The following SEC23IP variants were observed in gnomAD, a reference collection of about 807,000 sequenced individuals.
The protein encoded by SEC23IP is SEC23-interacting protein.
SEC23IP carries 70 observed loss-of-function variants against 113.4 expected under a neutral mutation model. That is an observed-to-expected ratio of 0.62 (90% CI 0.51 to 0.75). The LOEUF (loss-of-function observed/expected upper bound fraction) is 0.75. Ranked by LOEUF, SEC23IP falls within the 30% of genes least tolerant of loss-of-function variation. The probability of loss-of-function intolerance (pLI) is 0.00; values close to 1 mark genes in which losing one functional copy is unlikely to be tolerated. For synonymous variants in SEC23IP, 398 were observed against 421.0 expected (o/e 0.95, Z 0.67); for missense variants, 1,160 against 1,204.9 (o/e 0.96, Z 0.55).
At position 119,922,513 on chromosome 10, in the gene SEC23IP, A is replaced by G. The variant is rs186344466; in HGVS notation, c.2121+1529A>G. On this transcript the variant is annotated intron_variant, in intron 12 of 18. Coordinates refer to ENST00000369075, the MANE Select transcript of SEC23IP (RefSeq NM_007190.4). ...CTGTGTAGTCTAAATTTTAATTTTA[A>G]CTTTTGGACTGTGGAGAGTTTGCTT... Among the ~76,000 whole-genome samples the G allele has an allele frequency of 7.7e-4, 118 of 152,302 alleles. 1 individual carries two copies. The highest frequency in any genetic ancestry group is 6.7e-3 in the East Asian group (35 of 5,188).
chr10:119,928,444 A>G (rs1855490441), intron 13 of SEC23IP, among the ~76,000 whole-genome samples: 1 of 152,210 alleles, frequency 6.6e-6, no homozygotes, highest in African/African-American at 2.4e-5. Context: ...TGAAGTCTAG[A>G]CTTTGTTAGA....
At chr10:119,929,527 CCCG>C (rs1855525248) in intron 13 of SEC23IP, 77 bp from the exon 14 acceptor site, 1 of 1,274,610 alleles carries the variant, frequency 7.8e-7, no homozygotes, top group African/African-American at 1.5e-5. Context: ...AGCCACCACG[CCCG>C]GCCTGAAAAT....
chr10:119,893,664 C>T (rs990240566), intron 1 of SEC23IP, among the ~76,000 whole-genome samples: 3 of 151,908 alleles, frequency 2.0e-5, no homozygotes, highest in Non-Finnish European at 4.4e-5. Flanking sequence ...GGACTACAGG[C>T]GTCTGCCACC....
chr10:119,932,565 G>T (rs553621094), intron 16 of SEC23IP, among the ~76,000 whole-genome samples: 5 of 152,066 alleles, frequency 3.3e-5, no homozygotes, highest in African/African-American at 1.2e-4. Flanking sequence ...AAATTATATT[G>T]AGATTCTTAA....
intron 2 of SEC23IP, among the ~76,000 whole-genome samples, chr10:119,899,718 A>G (rs924317140): frequency 1.3e-5 from 2 of 152,212 alleles, no homozygotes; most frequent in East Asian, 3.8e-4. Context: ...AACCAGATTC[A>G]TAGCATGTGG....
At chr10:119,908,266 GAAA>G (rs1417751665) in intron 4 of SEC23IP, among the ~76,000 whole-genome samples, 1 of 152,060 alleles carries the variant, frequency 6.6e-6, no homozygotes, top group Admixed American at 6.6e-5. Context: ...TGAAAAAAAA[GAAA>G]AAGTCAGTCC....
At chr10:119,900,173 T>G (rs1854428847) in intron 2 of SEC23IP, among the ~76,000 whole-genome samples, 1 of 152,158 alleles carries the variant, frequency 6.6e-6, no homozygotes, top group Non-Finnish European at 1.5e-5. Flanking sequence ...GACATTCTTC[T>G]TATGTGCACA....
At chr10:119,917,043 A>T (rs1249819881) in intron 8 of SEC23IP, among the ~76,000 whole-genome samples, 1 of 151,620 alleles carries the variant, frequency 6.6e-6, no homozygotes, top group Admixed American at 6.6e-5. Context: ...TAATTTTTAA[A>T]TTTTCTGTAG....
At chr10:119,917,433 C>T (rs1855089999) in intron 8 of SEC23IP, among the ~76,000 whole-genome samples, 2 of 150,648 alleles carry the variant, frequency 1.3e-5, no homozygotes, top group African/African-American at 4.9e-5. Flanking sequence ...GACTGGAATG[C>T]AGTGGTGCAG....
rs1362899102 is a variant in SEC23IP at position 119,898,411 on chromosome 10, T to C, written c.164-16T>C. On this transcript the variant is annotated splice_polypyrimidine_tract_variant and intron_variant, in intron 1 of 18. Coordinates refer to ENST00000369075, the MANE Select transcript of SEC23IP (RefSeq NM_007190.4). ...AGAGTACCCTTTAAACCACATGCTC[T>C]CCTGTTCCATTTCAGAGGATTCCAC... 2 of 1,601,214 alleles carry C rather than the reference T, an allele frequency of 1.2e-6. No individual in the cohort carries two copies. Among genetic ancestry groups the C allele is most frequent in the Non-Finnish European group, 1.7e-6 (2 of 1,173,138 alleles).
chr10:119,913,459 G>A (rs2046367753), intron 6 of SEC23IP, among the ~76,000 whole-genome samples: 1 of 151,928 alleles, frequency 6.6e-6, no homozygotes, highest in South Asian at 2.1e-4. Context: ...GCTGAAGACT[G>A]TATGTAAACA....
At position 119,942,805 on chromosome 10, in the gene SEC23IP, G is replaced by T. The variant is rs1310604748; in HGVS notation, c.*2240G>T. The stretch of plus-strand genomic sequence containing the variant: ...TGCTTTCTAAGTCTGCTGGACACGC[G>T]TGCTTCTTGAATCCAACCAGACAAG... On this transcript the variant is annotated 3_prime_UTR_variant, in exon 19 of 19. Transcript: ENST00000369075. The T allele has an allele frequency of 6.6e-6, 1 of 152,184 alleles. No individual in the cohort carries two copies. Among genetic ancestry groups the T allele is most frequent in the Non-Finnish European group, 1.5e-5 (1 of 68,032 alleles). The allele number at this position is 152,184 out of a possible 1,614,324, so 9.4% of individuals were successfully genotyped here. A position where few individuals can be genotyped will look rare whatever the true frequency, so the allele number is the denominator to read the frequency against.
chr10:119,896,432 C>G (rs1391750217), intron 1 of SEC23IP, among the ~76,000 whole-genome samples: 2 of 152,112 alleles, frequency 1.3e-5, no homozygotes, highest in Admixed American at 6.6e-5. Flanking sequence ...GAAAAGGGAG[C>G]ATGGAGGTGG....
chr10:119,925,911 A>C, intron 12 of SEC23IP, 125 bp from the exon 13 acceptor site: 8 of 777,588 alleles, frequency 1.0e-5, no homozygotes, highest in Non-Finnish European at 1.4e-5. Context: ...AAGTAATCAC[A>C]ATGTTGTTAC....
At chr10:119,914,629 G>A (rs2134486521) in intron 6 of SEC23IP, 101 bp from the exon 7 acceptor site, 8 of 897,320 alleles carry the variant, frequency 8.9e-6, no homozygotes, top group Middle Eastern at 2.2e-4. Flanking sequence ...GAATTTCTTT[G>A]GCAAGTTTGT....
chr10:119,940,187 ATT>A (rs11289281), intron 18 of SEC23IP, among the ~76,000 whole-genome samples: 37 of 128,130 alleles, frequency 2.9e-4, no homozygotes, highest in South Asian at 2.1e-3. Flanking sequence ...TGGATTGTCC[ATT>A]TTTTTTTTTT....
In SEC23IP at chr10:119,925,279, T is replaced by C. The variant is rs575109621; in HGVS notation, c.2122-757T>C. On this transcript the variant is annotated intron_variant, in intron 12 of 18. Coordinates refer to ENST00000369075, the MANE Select transcript of SEC23IP (RefSeq NM_007190.4). Reference sequence around the variant, plus strand: ...CCACAAAACCACTCTTCTGATTTCCTTCAATATGGAATAGTTCGCCTATTT... The same window carrying C: ...CCACAAAACCACTCTTCTGATTTCCCTCAATATGGAATAGTTCGCCTATTT... 3.9e-5 allele frequency among the ~76,000 whole-genome samples: 6 copies of C among 152,346 alleles called. No individual in the cohort carries two copies. The East Asian group carries it at 1.2e-3, about 29-fold the overall frequency.
At chr10:119,919,410 G>C (rs748650953) in intron 10 of SEC23IP, 34 bp from the exon 11 acceptor site, 1 of 1,571,264 alleles carries the variant, frequency 6.4e-7, no homozygotes, top group Non-Finnish European at 8.6e-7. Flanking sequence ...GTTTTTCTGA[G>C]CTTGTAATGT....
rs187420329 is a variant in SEC23IP at position 119,912,788 on chromosome 10, G to A, written c.1312+624G>A. ...CCCGAGTAGCTGGGATTACAGGCGTGCACCACCACGCCCGGCTAATTTTTG... is the reference window on the plus strand; with the variant it reads ...CCCGAGTAGCTGGGATTACAGGCGTACACCACCACGCCCGGCTAATTTTTG... On this transcript the variant is annotated intron_variant, in intron 6 of 18. Transcript: ENST00000369075. Among the ~76,000 whole-genome samples the A allele has an allele frequency of 6.5e-3, 988 of 151,718 alleles. 7 individuals are homozygous for A. Among genetic ancestry groups the A allele is most frequent in the Non-Finnish European group, 0.01 (680 of 67,858 alleles).
Sources: gnomAD v4.1 joint callset for allele counts (sites outside exome capture counted in the v4.1 genomes callset) on GRCh38, gnomAD v4.1.1 for gene constraint, MANE v1.5 for transcripts, NCBI Gene and HGNC (gene_info 2026-07-23, HGNC 2026-07-21) for gene names.